CAPZA2: variants seen among roughly 807,000 people sequenced by gnomAD.
CAPZA2 encodes F-actin-capping protein subunit alpha-2.
In CAPZA2, 13 loss-of-function variants were observed where a neutral mutation model predicts 44.0. The ratio of observed to expected loss-of-function variants is 0.30; its 90% CI spans 0.19 to 0.47. The LOEUF (loss-of-function observed/expected upper bound fraction) is 0.47. Among genes scored for constraint, CAPZA2 ranks in the 20% least tolerant of loss-of-function variants. The probability of loss-of-function intolerance (pLI) is 1.00; values close to 1 mark genes in which losing one functional copy is unlikely to be tolerated. For missense variants in CAPZA2, 244 were observed against 338.6 expected (o/e 0.72, Z 2.19); for synonymous variants, 94 against 108.2 (o/e 0.87, Z 0.81).
At chr7:116,917,317 C>T (rs1270104069) in intron 9 of CAPZA2, among the ~76,000 whole-genome samples, 5 of 152,136 alleles carry the variant, frequency 3.3e-5, no homozygotes, top group Non-Finnish European at 7.4e-5. Flanking sequence ...TGCAGTGGCG[C>T]GATCTCGCCT....
At chr7:116,891,949 A>G (rs1329339950) in intron 2 of CAPZA2, among the ~76,000 whole-genome samples, 1 of 152,240 alleles carries the variant, frequency 6.6e-6, no homozygotes, top group Non-Finnish European at 1.5e-5. Context: ...TACAAAAAAG[A>G]ATCTAAACTT....
At chr7:116,865,177 CTTTTTTTTTTT>C (rs1011886318) in intron 1 of CAPZA2, among the ~76,000 whole-genome samples, 4 of 87,990 alleles carry the variant, frequency 4.5e-5, no homozygotes, top group East Asian at 8.1e-4. Context: ...GCGCTCTCTT[CTTTTTTTTTTT>C]TTTTTTTTTT....
Position 116,917,855 on chromosome 7 carries a change from G to A in CAPZA2, c.849G>A (p.Met283Ile), listed in dbSNP as rs1289403728. 1 of 1,613,152 alleles carries A rather than the reference G, an allele frequency of 6.2e-7. No individual in the cohort carries two copies. The highest frequency in any genetic ancestry group is 1.7e-5 in the Admixed American group (1 of 60,024). Residue 283 changes from methionine to isoleucine, a missense_variant, in exon 10 of 10, where the codon ATG (methionine) becomes ATA (isoleucine). Coordinates refer to ENST00000361183, the MANE Select transcript of CAPZA2 (RefSeq NM_006136.3). ...TTAGCTACAAGATTGGCAAAGAGAT[G>A]CAGAATGCATAAGATGAACATTGCA... ...KILSYKIGKE[M>I]QNA
At chr7:116,898,912 G>T in intron 4 of CAPZA2, 77 bp downstream of exon 4, 1 of 818,416 alleles carries the variant, frequency 1.2e-6, no homozygotes. Context: ...GAAGTGGTAT[G>T]CTGCAAGATA....
intron 1 of CAPZA2, among the ~76,000 whole-genome samples, chr7:116,881,738 CAAAAA>C (rs71148338): frequency 2.2e-3 from 107 of 47,794 alleles, no homozygotes; most frequent in African/African-American, 6.9e-3. Flanking sequence ...GACTCTGTCT[CAAAAA>C]AAAAAAAAAA....
chr7:116,877,422 C>A (rs1005976341), intron 1 of CAPZA2, among the ~76,000 whole-genome samples: 1 of 152,140 alleles, frequency 6.6e-6, no homozygotes, highest in Non-Finnish European at 1.5e-5. Flanking sequence ...AGCGGGAAGA[C>A]GAGAGTTCTT....
chr7:116,894,009 G>A, intron 3 of CAPZA2, among the ~76,000 whole-genome samples: 1 of 151,186 alleles, frequency 6.6e-6, no homozygotes, highest in East Asian at 1.9e-4. Context: ...TTCTTACAAA[G>A]AAAGTTTAGT....
intron 1 of CAPZA2, chr7:116,873,322 T>C (rs988775063): frequency 6.6e-6 from 1 of 152,350 alleles, no homozygotes; most frequent in African/African-American, 2.4e-5. Context: ...TTTTTGGTGG[T>C]GTGTATGTGT....
At chr7:116,894,318 C>T (rs1235031968) in intron 3 of CAPZA2, among the ~76,000 whole-genome samples, 1 of 148,464 alleles carries the variant, frequency 6.7e-6, no homozygotes, top group Non-Finnish European at 1.5e-5. Flanking sequence ...GCCGAGATGG[C>T]GCCACTGCAC....
chr7:116,901,001 T>A (rs1796987773), intron 4 of CAPZA2, among the ~76,000 whole-genome samples: 1 of 151,866 alleles, frequency 6.6e-6, no homozygotes, highest in Non-Finnish European at 1.5e-5. Flanking sequence ...TATTAGAAAG[T>A]CAAAAAATAA....
At position 116,921,889 on chromosome 7, in the gene CAPZA2, A is replaced by T. The variant is rs1791774203; in HGVS notation, c.*4022A>T. 6.6e-6 allele frequency: 1 copy of T among 152,202 alleles called. No individual in the cohort carries two copies. The allele number at this position is 152,202 out of a possible 1,614,324, so 9.4% of individuals were successfully genotyped here. A position where few individuals can be genotyped will look rare whatever the true frequency, so the allele number is the denominator to read the frequency against. On this transcript the variant is annotated 3_prime_UTR_variant, in exon 10 of 10. Transcript: ENST00000361183. Reference sequence around the variant, plus strand: ...TAAAATCAAGAATTCTGATAGAAGTAAGAGTTCTGGCATGAGTGGTGCTTT... The same window carrying T: ...TAAAATCAAGAATTCTGATAGAAGTTAGAGTTCTGGCATGAGTGGTGCTTT...
chr7:116,897,805 AT>A, intron 3 of CAPZA2, among the ~76,000 whole-genome samples: 1 of 152,090 alleles, frequency 6.6e-6, no homozygotes, highest in East Asian at 1.9e-4. Context: ...TCTCGTCACC[AT>A]TTCCTACCTC....
At chr7:116,897,934 T>C (rs554603875) in intron 3 of CAPZA2, among the ~76,000 whole-genome samples, 1 of 152,274 alleles carries the variant, frequency 6.6e-6, no homozygotes, top group South Asian at 2.1e-4. Flanking sequence ...GAAGTACTTC[T>C]GTGTTCTCCT....
intron 6 of CAPZA2, chr7:116,909,966 G>C (rs969397971): frequency 4.7e-6 from 2 of 430,074 alleles, no homozygotes; most frequent in African/African-American, 2.0e-5. Context: ...ACACCAGCCT[G>C]AATTGTATTT....
chr7:116,899,456 C>A (rs917710503), intron 4 of CAPZA2, among the ~76,000 whole-genome samples: 2 of 151,918 alleles, frequency 1.3e-5, no homozygotes, highest in African/African-American at 4.8e-5. Flanking sequence ...AGTGGCTAAT[C>A]ATGTCAAAGC....
chr7:116,901,409 T>G (rs1029026094), intron 4 of CAPZA2, among the ~76,000 whole-genome samples: 4 of 152,062 alleles, frequency 2.6e-5, no homozygotes, highest in African/African-American at 9.7e-5. Flanking sequence ...ATAAAATATC[T>G]TAGCAGAAAA....
At chr7:116,888,031 C>A in intron 1 of CAPZA2, 96 bp from the exon 2 acceptor site, 1 of 824,304 alleles carries the variant, frequency 1.2e-6, no homozygotes, top group Non-Finnish European at 2.0e-6. Context: ...AAGCCATTTT[C>A]AGTAGAGCTT....
At chr7:116,912,696 T>C (rs1791614393) in intron 8 of CAPZA2, among the ~76,000 whole-genome samples, 1 of 152,382 alleles carries the variant, frequency 6.6e-6, no homozygotes, top group Non-Finnish European at 1.5e-5. Flanking sequence ...TACTCTGTTT[T>C]ATGGACATAC....
At position 116,906,258 on chromosome 7, in the gene CAPZA2, A is replaced by G; in HGVS notation, c.427-5A>G. ...ATTCTTATGCTTATTTTCTTTGCCA[A>G]TAAGGTGTATGGCAAAAAAATAGAT... On this transcript the variant is annotated splice_region_variant and splice_polypyrimidine_tract_variant and intron_variant, in intron 5 of 9. Coordinates refer to ENST00000361183, the MANE Select transcript of CAPZA2 (RefSeq NM_006136.3). 1 of 1,610,948 alleles carries G rather than the reference A, an allele frequency of 6.2e-7. No homozygotes were observed. The highest frequency in any genetic ancestry group is 8.5e-7 in the Non-Finnish European group (1 of 1,179,376).
Sources: gnomAD v4.1 joint callset for allele counts (sites outside exome capture counted in the v4.1 genomes callset) on GRCh38, gnomAD v4.1.1 for gene constraint, MANE v1.5 for transcripts, NCBI Gene and HGNC (gene_info 2026-07-23, HGNC 2026-07-21) for gene names.